The following CACNA1E variants were observed in gnomAD, a reference collection of about 807,000 sequenced individuals.
The protein encoded by CACNA1E is voltage-dependent R-type calcium channel subunit alpha-1E.
Under a neutral mutation model 259.2 loss-of-function variants are expected in CACNA1E, and 40 were observed. The observed-to-expected ratio is 0.15, with a 90% CI of 0.12 to 0.20. The LOEUF (loss-of-function observed/expected upper bound fraction) is 0.20, where lower values mean the gene tolerates loss of function less well. Among genes scored for constraint, CACNA1E ranks in the 10% least tolerant of loss-of-function variants. CACNA1E has a pLI of 1.00. For missense variants in CACNA1E, 1,874 were observed against 3,040.1 expected, an observed-to-expected ratio of 0.62 and a Z score of 9.02; for synonymous variants, 1,104 against 1,138.5, an observed-to-expected ratio of 0.97 and a Z score of 0.61.
intron 6 of CACNA1E, among the ~76,000 whole-genome samples, chr1:181,601,665 G>A (rs1364289104): frequency 6.6e-6 from 1 of 152,076 alleles, no homozygotes; most frequent in Non-Finnish European, 1.5e-5. Flanking sequence ...CTGCACCCTG[G>A]TCTAAGCCAC....
At chr1:181,759,605 G>C (rs960723443) in intron 32 of CACNA1E, among the ~76,000 whole-genome samples, 1 of 152,108 alleles carries the variant, frequency 6.6e-6, no homozygotes, top group African/African-American at 2.4e-5. Context: ...TGGCTTCAGT[G>C]CCCTATAAAC....
chr1:181,671,048 T>C (rs898549885), intron 7 of CACNA1E, among the ~76,000 whole-genome samples: 6 of 152,208 alleles, frequency 3.9e-5, no homozygotes, highest in African/African-American at 1.4e-4. Context: ...TTATTGTTAT[T>C]ATTGAGACAC....
At chr1:181,481,902 G>C (rs1056468686), upstream of CACNA1E, among the ~76,000 whole-genome samples, 1 of 152,042 alleles carries the variant, frequency 6.6e-6, no homozygotes, top group African/African-American at 2.4e-5. Flanking sequence ...AGTAAAGGAT[G>C]GGGGGCGGGA....
intron 6 of CACNA1E, among the ~76,000 whole-genome samples, chr1:181,629,819 G>T (rs1256426297): frequency 1.3e-5 from 2 of 152,012 alleles, no homozygotes; most frequent in Non-Finnish European, 2.9e-5. Context: ...GCAATAAATT[G>T]GACCAATTCT....
chr1:181,735,861 T>C (rs536666852), intron 21 of CACNA1E, among the ~76,000 whole-genome samples: 1 of 152,072 alleles, frequency 6.6e-6, no homozygotes, highest in East Asian at 1.9e-4. Context: ...ATCATGGGAG[T>C]AATAATACAT....
At chr1:181,751,539 C>G (rs1468644300) in intron 26 of CACNA1E, among the ~76,000 whole-genome samples, 1 of 152,164 alleles carries the variant, frequency 6.6e-6, no homozygotes. Context: ...ACACGTGGCC[C>G]AGTGAGAGTG....
chr1:181,491,919 C>T (rs910849941), intron 1 of CACNA1E, among the ~76,000 whole-genome samples: 3 of 152,154 alleles, frequency 2.0e-5, no homozygotes, highest in African/African-American at 7.2e-5. Context: ...ATTGCCCTGA[C>T]CAGGACCTGT....
chr1:181,709,384 T>C (rs943611681), intron 7 of CACNA1E, among the ~76,000 whole-genome samples: 2 of 152,204 alleles, frequency 1.3e-5, no homozygotes, highest in Admixed American at 6.5e-5. Context: ...CCGGTGTGCC[T>C]TTCCCTACAC....
chr1:181,574,920 G>A (rs563514277), intron 3 of CACNA1E, among the ~76,000 whole-genome samples: 5 of 152,256 alleles, frequency 3.3e-5, no homozygotes, highest in African/African-American at 9.6e-5. Context: ...AGCTACTCGG[G>A]AGGCTGAGGC....
intron 1 of CACNA1E, among the ~76,000 whole-genome samples, chr1:181,394,245 T>G (rs1656499862): frequency 6.6e-6 from 1 of 152,238 alleles, no homozygotes; most frequent in Admixed American, 6.5e-5. Context: ...GGAAACCACT[T>G]AACTTCTCTG....
At chr1:181,497,987 A>T (rs781760720) in intron 1 of CACNA1E, among the ~76,000 whole-genome samples, 68 of 152,208 alleles carry the variant, frequency 4.5e-4, no homozygotes, top group Non-Finnish European at 8.1e-4. Context: ...CCAAAACTCC[A>T]CTGCTGCAGT....
At chr1:181,745,634 A>G (rs1427537595) in intron 25 of CACNA1E, among the ~76,000 whole-genome samples, 2 of 152,146 alleles carry the variant, frequency 1.3e-5, no homozygotes, top group South Asian at 2.1e-4. Context: ...GGGGACCATC[A>G]ACACAGATCA....
intron 2 of CACNA1E, among the ~76,000 whole-genome samples, chr1:181,430,292 G>A (rs1659623396): frequency 6.6e-6 from 1 of 152,214 alleles, no homozygotes; most frequent in Non-Finnish European, 1.5e-5. Flanking sequence ...TAGAACGAAA[G>A]TTTAATAAGC....
At chr1:181,407,753 G>A (rs1013398817) in intron 1 of CACNA1E, among the ~76,000 whole-genome samples, 18 of 152,242 alleles carry the variant, frequency 1.2e-4, no homozygotes, top group African/African-American at 2.6e-4. Flanking sequence ...CAGAGTAGGC[G>A]GGTGAGTATG....
chr1:181,587,623 C>T (rs927727230), intron 6 of CACNA1E, among the ~76,000 whole-genome samples: 3 of 152,168 alleles, frequency 2.0e-5, no homozygotes, highest in African/African-American at 7.2e-5. Context: ...GTGGCTCACT[C>T]CTGTAATCCC....
At chr1:181,379,072 A>C (rs1377967139) in intron 1 of CACNA1E, among the ~76,000 whole-genome samples, 1 of 152,250 alleles carries the variant, frequency 6.6e-6, no homozygotes, top group African/African-American at 2.4e-5. Context: ...AGGACATTAA[A>C]ATCATTATTA....
intron 3 of CACNA1E, among the ~76,000 whole-genome samples, chr1:181,515,796 C>G (rs1666537691): frequency 6.6e-6 from 1 of 152,200 alleles, no homozygotes; most frequent in Non-Finnish European, 1.5e-5. Flanking sequence ...AGGACTGTGT[C>G]TTAGATGCCC....
At chr1:181,370,180 A>C (rs1654577741) in intron 1 of CACNA1E, among the ~76,000 whole-genome samples, 1 of 152,126 alleles carries the variant, frequency 6.6e-6, no homozygotes, top group South Asian at 2.1e-4. Context: ...TCCAACTTGG[A>C]CACTGTGTTA....
At chr1:181,722,016 G>A in intron 16 of CACNA1E, 141 bp downstream of exon 16, 3 of 624,628 alleles carry the variant, frequency 4.8e-6, no homozygotes, top group Non-Finnish European at 8.8e-6. Context: ...AGTAAATAAG[G>A]ATCCTGATCT....
Sources: allele counts gnomAD v4.1 joint callset (sites outside exome capture counted in the v4.1 genomes callset), GRCh38; gene constraint gnomAD v4.1.1; transcripts MANE v1.5; gene names NCBI Gene and HGNC (gene_info 2026-07-23, HGNC 2026-07-21).